The following AHDC1 variants were observed in gnomAD, a reference collection of about 807,000 sequenced individuals.
The protein encoded by AHDC1 is AT-hook DNA binding motif containing 1.
AHDC1 carries 7 observed loss-of-function variants against 87.9 expected under a neutral mutation model. The observed-to-expected ratio is 0.08, with a 90% CI of 0.05 to 0.15. AHDC1 has a LOEUF of 0.15. Ranked by LOEUF, AHDC1 falls within the 10% of genes least tolerant of loss-of-function variation. AHDC1 has a pLI of 1.00. For missense variants in AHDC1, 1,841 were observed against 2,253.2 expected (o/e 0.82, Z 3.70); for synonymous variants, 1,051 against 1,006.8 (o/e 1.04, Z -0.83).
At chr1:27,576,272 T>C (rs1300955440) in intron 3 of AHDC1, among the ~76,000 whole-genome samples, 2 of 152,174 alleles carry the variant, frequency 1.3e-5, no homozygotes, top group African/African-American at 2.4e-5. Context: ...GTTTGCTGTG[T>C]GCCTCTCCTT....
Position 27,550,069 on chromosome 1 carries a change from C to G in AHDC1, c.2047G>C (p.Ala683Pro), listed in dbSNP as rs1005895479. The G allele has an allele frequency of 1.2e-6, 2 of 1,607,296 alleles. No homozygotes were observed. Residue 683 changes from alanine (A) to proline (P), a missense_variant, in exon 8 of 9, where the codon GCG becomes CCG. Physicochemically the swap from Ala to Pro is conservative, Grantham distance 27 (BLOSUM62 -1). Coordinates refer to ENST00000673934, the MANE Select transcript of AHDC1 (RefSeq NM_001371928.1). ...GGFGGRGGGH[A>P]AKSARCSFSD... ...AAGGAGCATCGGGCTGACTTGGCCGCATGGCCCCCACCCCGGCCACCAAAA... is the reference window on the plus strand; with the variant it reads ...AAGGAGCATCGGGCTGACTTGGCCGGATGGCCCCCACCCCGGCCACCAAAA...
rs200178921 is a variant in AHDC1 at position 27,547,531 on chromosome 1, G to A, written c.4585C>T (p.Arg1529Cys). 5.0e-4 allele frequency: 799 copies of A among 1,610,930 alleles called. No homozygotes were observed. The highest frequency in any genetic ancestry group is 6.2e-4 in the Non-Finnish European group (727 of 1,178,712). Residue 1529 changes from arginine to cysteine, a missense_variant, in exon 8 of 9, where the codon CGT becomes TGT. By Grantham distance (180) the Arg-to-Cys change is radical. Around this residue, in one of 13 missense-constraint regions of AHDC1, gnomAD observed 505 missense variants for 626.2 expected, o/e 0.81. Coordinates refer to ENST00000673934, the MANE Select transcript of AHDC1 (RefSeq NM_001371928.1). The surrounding 1 kb of genome is among the most constrained non-coding windows in gnomAD (Gnocchi z 4.9). ...CCAGCAGCGGCTGCAGCAGGGCCACGGGGTGGGCCAGGGGGCCGGGCCATT... is the reference window on the plus strand; with the variant it reads ...CCAGCAGCGGCTGCAGCAGGGCCACAGGGTGGGCCAGGGGGCCGGGCCATT... ...LEMARPPGPPRGPAAAAAGYG... is the reference protein window; with the variant it reads ...LEMARPPGPPCGPAAAAAGYG...
chr1:27,538,404 A>AAAAAAAAAAAAAAACAAAAC (rs1167582471), intron 8 of AHDC1, among the ~76,000 whole-genome samples: 1 of 142,802 alleles, frequency 7.0e-6, no homozygotes, highest in African/African-American at 3.0e-5. Flanking sequence ...CTGTCTCAAA[A>AAAAAAAAAAAAAAACAAAAC]AAAAAAAAAA....
chr1:27,598,278 T>C lies in AHDC1; in HGVS notation c.-629+5119A>G, dbSNP rs2089431051. Among the ~76,000 whole-genome samples the C allele has an allele frequency of 1.3e-5, 2 of 152,166 alleles. No individual in the cohort carries two copies. The highest frequency in any genetic ancestry group is 4.8e-5 in the African/African-American group (2 of 41,450). Reference sequence around the variant, plus strand: ...GAAGAGGAGAGAAAACAGGGCCTCATTGCAGTTGGGTTTGTGTGTGTGGTG... The same window carrying C: ...GAAGAGGAGAGAAAACAGGGCCTCACTGCAGTTGGGTTTGTGTGTGTGGTG... On this transcript the variant is annotated intron_variant, in intron 3 of 8. Coordinates refer to ENST00000673934, the MANE Select transcript of AHDC1 (RefSeq NM_001371928.1). The surrounding 1 kb of genome is among the most constrained non-coding windows in gnomAD (Gnocchi z 4.2).
At chr1:27,536,945 G>A (rs902024645) in intron 8 of AHDC1, among the ~76,000 whole-genome samples, 1 of 151,200 alleles carries the variant, frequency 6.6e-6, no homozygotes, top group African/African-American at 2.4e-5. Flanking sequence ...GGCGGCTCCT[G>A]CCAGAACCAT....
chr1:27,535,864 C>G (rs1050445480), intron 8 of AHDC1, among the ~76,000 whole-genome samples: 1 of 152,084 alleles, frequency 6.6e-6, no homozygotes, highest in African/African-American at 2.4e-5. Flanking sequence ...GCTAGACCCC[C>G]TGGATTCACA....
intron 8 of AHDC1, among the ~76,000 whole-genome samples, chr1:27,536,134 GA>G (rs56376206): frequency 0.031 from 4,775 of 152,344 alleles, 97 homozygotes; most frequent in Non-Finnish European, 0.049. Context: ...GGCGGCGGCA[GA>G]AAGCCTCTCC....
chr1:27,579,510 G>C (rs1030281940), intron 3 of AHDC1, among the ~76,000 whole-genome samples: 1 of 152,166 alleles, frequency 6.6e-6, no homozygotes, highest in South Asian at 2.1e-4. Flanking sequence ...ATCCCAGCAA[G>C]AGTGTGACTA....
intron 3 of AHDC1, among the ~76,000 whole-genome samples, chr1:27,575,658 C>T (rs2088703799): frequency 6.6e-6 from 1 of 151,630 alleles, no homozygotes; most frequent in African/African-American, 2.4e-5. Flanking sequence ...CACATGCCGG[C>T]CGGCCGCGCG....
At position 27,561,556 on chromosome 1, in the gene AHDC1, C is replaced by T. The variant is rs1236091576; in HGVS notation, c.-628-2673G>A. Among the ~76,000 whole-genome samples the T allele has an allele frequency of 6.6e-6, 1 of 152,100 alleles. No homozygotes were observed. The highest frequency in any genetic ancestry group is 1.5e-5 in the Non-Finnish European group (1 of 68,014). ...TGGGCTGGGACTAAGGCTCCCTTCA[C>T]GGTGCTCCAGGCGCAAGGCAGAATC... On this transcript the variant is annotated intron_variant, in intron 3 of 8. Transcript: ENST00000673934. This position sits in a 1 kb window ranked among gnomAD's most constrained non-coding sequence, Gnocchi z 4.2.
intron 3 of AHDC1, among the ~76,000 whole-genome samples, chr1:27,597,968 C>T (rs1463679565): frequency 6.6e-6 from 1 of 152,196 alleles, no homozygotes; most frequent in Non-Finnish European, 1.5e-5. Context: ...CCCAGTCCAT[C>T]TGTCCGTCTC....
At chr1:27,586,511 ACAG>A (rs1488505833) in intron 3 of AHDC1, among the ~76,000 whole-genome samples, 2 of 152,240 alleles carry the variant, frequency 1.3e-5, no homozygotes, top group Non-Finnish European at 1.5e-5. Flanking sequence ...ATTAAAATAA[ACAG>A]CAGATTAAAT....
At position 27,590,589 on chromosome 1, in the gene AHDC1, G is replaced by A. The variant is rs553998746; in HGVS notation, c.-629+12808C>T. Reference sequence around the variant, plus strand: ...GTTTTGCTTCTCTCAGACTTGGGGGGTCTGAGGACAAGGCTGTGTGTCCTG... The same window carrying A: ...GTTTTGCTTCTCTCAGACTTGGGGGATCTGAGGACAAGGCTGTGTGTCCTG... On this transcript the variant is annotated intron_variant, in intron 3 of 8. Transcript: ENST00000673934. This position sits in a 1 kb window ranked among gnomAD's most constrained non-coding sequence, Gnocchi z 5.4. Among the ~76,000 whole-genome samples, 2 of 152,134 alleles carry A rather than the reference G, an allele frequency of 1.3e-5. No homozygotes were observed. Among genetic ancestry groups the A allele is most frequent in the African/African-American group, 2.4e-5 (1 of 41,418 alleles).
At position 27,595,808 on chromosome 1, in the gene AHDC1, T is replaced by G. The variant is rs1310352113; in HGVS notation, c.-629+7589A>C. ...CCAGGTTCCTGGTGTCAGGGAGGTG[T>G]TGCAGGTTGTGGGTAAGCATGTGGT... On this transcript the variant is annotated intron_variant, in intron 3 of 8. Transcript: ENST00000673934. This position sits in a 1 kb window ranked among gnomAD's most constrained non-coding sequence, Gnocchi z 4.0. Among the ~76,000 whole-genome samples, 2 of 151,914 alleles carry G rather than the reference T, an allele frequency of 1.3e-5. No homozygotes were observed. Among genetic ancestry groups the G allele is most frequent in the Non-Finnish European group, 2.9e-5 (2 of 67,924 alleles).
In AHDC1 at chr1:27,562,357, G is replaced by A. The variant is rs1176966334; in HGVS notation, c.-628-3474C>T. ...TGATCGACTGACTACCTGAGCTCCC[G>A]GCCCGCGCAGAGCTGCCCCGATTAA... On this transcript the variant is annotated intron_variant, in intron 3 of 8. Coordinates refer to ENST00000673934, the MANE Select transcript of AHDC1 (RefSeq NM_001371928.1). The surrounding 1 kb of genome is among the most constrained non-coding windows in gnomAD (Gnocchi z 4.4). 1.3e-5 allele frequency among the ~76,000 whole-genome samples: 2 copies of A among 152,202 alleles called. No individual in the cohort carries two copies. The highest frequency in any genetic ancestry group is 4.8e-5 in the African/African-American group (2 of 41,512).
At chr1:27,596,463 G>C (rs2089373954) in intron 3 of AHDC1, among the ~76,000 whole-genome samples, 1 of 152,056 alleles carries the variant, frequency 6.6e-6, no homozygotes, top group African/African-American at 2.4e-5. Context: ...GGGTATGTCT[G>C]TCCTTGTGCA....
intron 8 of AHDC1, among the ~76,000 whole-genome samples, chr1:27,536,937 C>A (rs575859582): frequency 6.6e-6 from 1 of 151,802 alleles, no homozygotes; most frequent in South Asian, 2.1e-4. Context: ...GCCCAGCAGG[C>A]GGCTCCTGCC....
chr1:27,541,614 C>T (rs982336621), intron 8 of AHDC1, among the ~76,000 whole-genome samples: 9 of 147,322 alleles, frequency 6.1e-5, no homozygotes, highest in Admixed American at 2.0e-4. Context: ...CCACTGTGCC[C>T]GGCCCATGTG....
chr1:27,598,464 G>A lies in AHDC1; in HGVS notation c.-629+4933C>T, dbSNP rs550329892. ...GCTGGGATCCAGGAGGGAGGGGCCAGGAGAGGCCAGGCCTTGGGCGAAGGA... is the reference window on the plus strand; with the variant it reads ...GCTGGGATCCAGGAGGGAGGGGCCAAGAGAGGCCAGGCCTTGGGCGAAGGA... On this transcript the variant is annotated intron_variant, in intron 3 of 8. Transcript: ENST00000673934. This position sits in a 1 kb window ranked among gnomAD's most constrained non-coding sequence, Gnocchi z 4.2. Among the ~76,000 whole-genome samples, 236 of 152,322 alleles carry A rather than the reference G, an allele frequency of 1.5e-3. 4 individuals are homozygous for A. The highest frequency in any genetic ancestry group is 0.014 in the Admixed American group (219 of 15,306).
Sources: gnomAD v4.1 joint callset for allele counts (sites outside exome capture counted in the v4.1 genomes callset) on GRCh38, gnomAD v4.1.1 for gene constraint, gnomAD v4.1.1 regional missense constraint, Gnocchi (gnomAD v3.1) non-coding constraint, MANE v1.5 for transcripts, NCBI Gene and HGNC (gene_info 2026-07-23, HGNC 2026-07-21) for gene names.